The following BMP7 variants were observed in gnomAD, a reference collection of about 807,000 sequenced individuals.
BMP7 encodes bone morphogenetic protein 7.
A neutral mutation model predicts 41.2 loss-of-function variants in BMP7; 12 were observed. The ratio of observed to expected loss-of-function variants is 0.29; its 90% confidence interval spans 0.19 to 0.47. BMP7 has a LOEUF of 0.47. Among genes scored for constraint, BMP7 ranks in the 20% least tolerant of loss-of-function variants. The pLI is 0.99. For synonymous variants in BMP7, 248 were observed against 250.0 expected (o/e 0.99, Z 0.07); for missense variants, 467 against 606.0 (o/e 0.77, Z 2.41).
intron 1 of BMP7, among the ~76,000 whole-genome samples, chr20:57,255,293 A>G (rs1374789097): frequency 6.6e-6 from 1 of 152,176 alleles, no homozygotes; most frequent in African/African-American, 2.4e-5. Context: ...CCTCCTCTCT[A>G]AAATGGAAAT....
At chr20:57,209,252 TATA>T (rs1984820408) in intron 2 of BMP7, among the ~76,000 whole-genome samples, 1 of 62,996 alleles carries the variant, frequency 1.6e-5, no homozygotes, top group Non-Finnish European at 2.7e-5. Flanking sequence ...TATATTTTTA[TATA>T]TATATATATA....
At chr20:57,262,286 G>C (rs575157990) in intron 1 of BMP7, among the ~76,000 whole-genome samples, 1 of 152,146 alleles carries the variant, frequency 6.6e-6, no homozygotes, top group African/African-American at 2.4e-5. Flanking sequence ...AAGAGGAGTC[G>C]GGGTTGTTAA....
At position 57,259,723 on chromosome 20, in the gene BMP7, TA is replaced by T. The variant is rs2066146618; in HGVS notation, c.418+5981del. On this transcript the variant is annotated intron_variant, in intron 1 of 6. Coordinates refer to ENST00000395863, the MANE Select transcript of BMP7 (RefSeq NM_001719.3). This position sits in a 1 kb window ranked among gnomAD's most constrained non-coding sequence, Gnocchi z 4.7. ...TGCACATGCTTGCCTGAGTTTCGCA[TA>T]AGTAAGTGTCAAACTTCATGCACTC... Among the ~76,000 whole-genome samples, 1 of 152,284 alleles carries T rather than the reference TA, an allele frequency of 6.6e-6. No homozygotes were observed. The highest frequency in any genetic ancestry group is 2.4e-5 in the African/African-American group (1 of 41,554).
At chr20:57,182,728 C>T (rs1417184253) in intron 4 of BMP7, among the ~76,000 whole-genome samples, 1 of 152,252 alleles carries the variant, frequency 6.6e-6, no homozygotes, top group Non-Finnish European at 1.5e-5. Flanking sequence ...AAGAACCACA[C>T]AACATGATGG....
chr20:57,199,807 A>G (rs1037020362), intron 3 of BMP7, among the ~76,000 whole-genome samples: 1 of 152,142 alleles, frequency 6.6e-6, no homozygotes, highest in East Asian at 1.9e-4. Context: ...GACTTGGGCA[A>G]CCACACAAAA....
intron 3 of BMP7, among the ~76,000 whole-genome samples, chr20:57,193,008 G>A (rs1194944454): frequency 6.6e-6 from 1 of 152,138 alleles, no homozygotes; most frequent in Non-Finnish European, 1.5e-5. Context: ...CGGCCTACCT[G>A]ACAGGCAGGT....
In BMP7 at chr20:57,220,521, A is replaced by G. The variant is rs1048956248; in HGVS notation, c.611+7708T>C. Among the ~76,000 whole-genome samples, 4 of 152,266 alleles carry G rather than the reference A, an allele frequency of 2.6e-5. No homozygotes were observed. In the South Asian group the frequency reaches 8.3e-4, roughly 31 times the overall value. On this transcript the variant is annotated intron_variant, in intron 2 of 6. Coordinates refer to ENST00000395863, the MANE Select transcript of BMP7 (RefSeq NM_001719.3). ...ATAGGCGAGCAGAGGCCCAGGGCCA[A>G]GCATGAAGTGCTTTTGGAATCAAAG... is the stretch of plus-strand genomic sequence containing the variant.
intron 3 of BMP7, among the ~76,000 whole-genome samples, chr20:57,192,085 TATTTATATTTATAA>T (rs1019103208): frequency 1.6e-5 from 2 of 125,614 alleles, no homozygotes; most frequent in Non-Finnish European, 3.1e-5. Flanking sequence ...TTTATATATT[TATTTATATTTATAA>T]ATTTATATAA....
intron 3 of BMP7, among the ~76,000 whole-genome samples, chr20:57,194,687 G>A (rs573209418): frequency 1.6e-4 from 24 of 152,302 alleles, no homozygotes; most frequent in African/African-American, 5.1e-4. Context: ...ACCAAGCACC[G>A]TGCTAAGCCC....
intron 2 of BMP7, chr20:57,226,075 G>A (rs940428641): frequency 1.4e-5 from 6 of 413,984 alleles, no homozygotes; most frequent in Non-Finnish European, 3.0e-5. Context: ...TGGCAGGGAG[G>A]ACGCCTGGAA....
At chr20:57,212,079 G>A (rs749350288) in intron 2 of BMP7, among the ~76,000 whole-genome samples, 38 of 152,192 alleles carry the variant, frequency 2.5e-4, no homozygotes, top group Non-Finnish European at 4.7e-4. Context: ...GAGGCTGGGC[G>A]TGCGTAGCAC....
rs1356202687 is a variant in BMP7, at chr20:57,174,798, T to A, written c.1035+133A>T. 9.2e-6 allele frequency: 9 copies of A among 982,256 alleles called. No individual in the cohort carries two copies. The allele number at this position is 982,256 out of a possible 1,614,324, so 60.8% of individuals were successfully genotyped here. On this transcript the variant is annotated intron_variant, in intron 5 of 6. Transcript: ENST00000395863. This position sits in a 1 kb window ranked among gnomAD's most constrained non-coding sequence, Gnocchi z 4.3. ...CCTGTATCCTTAGCCCAAGTCCCCT[T>A]CCCTAGCGAGGCCACTTGATACTGG...
intron 4 of BMP7, among the ~76,000 whole-genome samples, chr20:57,182,051 G>A (rs770446631): frequency 6.6e-6 from 1 of 152,226 alleles, no homozygotes; most frequent in African/African-American, 2.4e-5. Flanking sequence ...TCCCCTGGCC[G>A]GCGGGATGGG....
chr20:57,181,610 C>T (rs1250017063), intron 4 of BMP7, among the ~76,000 whole-genome samples: 1 of 152,172 alleles, frequency 6.6e-6, no homozygotes, highest in East Asian at 1.9e-4. Context: ...CAAAACAATA[C>T]AAGCGGATTA....
intron 3 of BMP7, among the ~76,000 whole-genome samples, chr20:57,198,533 G>T (rs912511714): frequency 1.1e-4 from 16 of 152,338 alleles, no homozygotes; most frequent in African/African-American, 2.6e-4. Context: ...GAGTTTATAG[G>T]CTTCTCCCCG....
Position 57,173,193 on chromosome 20 carries a change from C to A in BMP7, c.1146+7G>T, listed in dbSNP as rs775347487. ...GTGACCACACCCCAAGATGGCGTGA[C>A]ACCCACCAGCGTCTGCACGATGGCG... On this transcript the variant is annotated splice_region_variant and intron_variant, in intron 6 of 6. Coordinates refer to ENST00000395863, the MANE Select transcript of BMP7 (RefSeq NM_001719.3). 21 of 1,613,286 alleles carry A rather than the reference C, an allele frequency of 1.3e-5. No individual in the cohort carries two copies. The highest frequency in any genetic ancestry group is 1.7e-5 in the Admixed American group (1 of 60,024).
intron 1 of BMP7, among the ~76,000 whole-genome samples, chr20:57,249,136 T>C (rs896564039): frequency 6.6e-6 from 1 of 152,000 alleles, no homozygotes; most frequent in African/African-American, 2.4e-5. Context: ...ACACCATTCC[T>C]CTCCACAGAA....
At position 57,265,750 on chromosome 20, in the gene BMP7, G is replaced by T; in HGVS notation, c.373C>A (p.His125Asn). The change falls in exon 1 of 7, where the codon CAT becomes AAT. Residue 125 changes from histidine (H) to asparagine (N), a missense_variant. Physicochemically the swap from His to Asn is moderately conservative, Grantham distance 68. Transcript: ENST00000395863. ...GPPLASLQDS[H>N]FLTDADMVMS... ...ACCATGTCGGCGTCGGTGAGGAAATGGCTATCTTGCAGGCTGGCCAGAGGG... is the reference window on the plus strand; with the variant it reads ...ACCATGTCGGCGTCGGTGAGGAAATTGCTATCTTGCAGGCTGGCCAGAGGG... 1 of 1,610,872 alleles carries T rather than the reference G, an allele frequency of 6.2e-7. No homozygotes were observed. The highest frequency in any genetic ancestry group is 1.1e-5 in the South Asian group (1 of 90,106).
intron 6 of BMP7, chr20:57,172,903 T>C (rs1055678469): frequency 3.8e-5 from 23 of 597,752 alleles, no homozygotes; most frequent in Non-Finnish European, 6.8e-5. Flanking sequence ...TTAGGCACCG[T>C]AACCAGCACC....
Sources: gnomAD v4.1 joint callset for allele counts (sites outside exome capture counted in the v4.1 genomes callset) on GRCh38, gnomAD v4.1.1 for gene constraint, Gnocchi (gnomAD v3.1) non-coding constraint, MANE v1.5 for transcripts, NCBI Gene and HGNC (gene_info 2026-07-23, HGNC 2026-07-21) for gene names.